The following AAMP variants were observed in gnomAD, a reference collection of about 807,000 sequenced individuals.
AAMP encodes the protein angio associated migratory cell protein.
In AAMP, 12 loss-of-function variants were observed where a neutral mutation model predicts 51.1. That is an observed-to-expected ratio of 0.23 (90% CI 0.15 to 0.38). The LOEUF is 0.38. Among genes scored for constraint, AAMP ranks in the 10% least tolerant of loss-of-function variants. AAMP has a pLI of 1.00. For missense variants in AAMP, 418 were observed against 557.2 expected, an observed-to-expected ratio of 0.75 and a Z score of 2.52; for synonymous variants, 210 against 218.7, an observed-to-expected ratio of 0.96 and a Z score of 0.35.
In AAMP at chr2:218,265,102, G is replaced by A. The variant is rs749156612; in HGVS notation, c.1147C>T (p.Arg383Cys). 48 of 1,612,846 alleles carry A rather than the reference G, an allele frequency of 3.0e-5. No homozygotes were observed. The highest frequency in any genetic ancestry group is 1.6e-4 in the Middle Eastern group (1 of 6,070). ...CGGCCGGTCCGGGCGTCCCAGAGGC[G>A]CACGATGCCATCCAGGCTGCAGGTA... is the stretch of plus-strand genomic sequence containing the variant. Reference protein sequence around the residue: ...VYTCSLDGIVRLWDARTGRLL... With the variant: ...VYTCSLDGIVCLWDARTGRLL... Residue 383 changes from arginine (R) to cysteine (C), a missense_variant, in exon 10 of 11, where the codon CGC (arginine) becomes TGC (cysteine). Coordinates refer to ENST00000248450, the MANE Select transcript of AAMP (RefSeq NM_001087.5). This position sits in a 1 kb window ranked among gnomAD's most constrained non-coding sequence, Gnocchi z 6.6.
At chr2:218,269,660 G>A in intron 1 of AAMP, 126 bp from the exon 2 acceptor site, 4 of 1,487,682 alleles carry the variant, frequency 2.7e-6, no homozygotes, top group South Asian at 1.2e-5. Context: ...CAGACACACC[G>A]GGGTCCGCGG....
chr2:218,268,824 G>A (rs971303506), intron 2 of AAMP, among the ~76,000 whole-genome samples: 4 of 150,388 alleles, frequency 2.7e-5, no homozygotes, highest in African/African-American at 4.9e-5. Context: ...TCAACCTCCC[G>A]AGGAGCTGGG....
chr2:218,266,717 T>A lies in AAMP; in HGVS notation c.534+130A>T. 1 of 1,548,068 alleles carries A rather than the reference T, an allele frequency of 6.5e-7. No individual in the cohort carries two copies. Among genetic ancestry groups the A allele is most frequent in the Non-Finnish European group, 8.8e-7 (1 of 1,139,568 alleles). On this transcript the variant is annotated intron_variant, in intron 4 of 10. Coordinates refer to ENST00000248450, the MANE Select transcript of AAMP (RefSeq NM_001087.5). The surrounding 1 kb of genome is among the most constrained non-coding windows in gnomAD (Gnocchi z 4.7). ...GGACTTTCCAGGTAGCAGGTAGATA[T>A]TCTTCCTGTGCCTTGGGGCGCATTG... is the stretch of plus-strand genomic sequence containing the variant.
chr2:218,267,413 T>A lies in AAMP; in HGVS notation c.394+81A>T, dbSNP rs1444755764. ...GAGATGTCACTAAGTGGCTGTTGGA[T>A]GCACAACCTCTGCAGGTCAGCCTCC... On this transcript the variant is annotated intron_variant, in intron 3 of 10. Transcript: ENST00000248450. The surrounding 1 kb of genome is among the most constrained non-coding windows in gnomAD (Gnocchi z 4.6). 5.7e-6 allele frequency: 9 copies of A among 1,577,730 alleles called. No homozygotes were observed. In the East Asian group the frequency reaches 1.8e-4, roughly 32 times the overall value.
In AAMP at chr2:218,264,556, A is replaced by C. The variant is rs1291439355; in HGVS notation, c.1282T>G (p.Cys428Gly). ...TSGDHKAKVF[C>G]VQRPDR is the part of the protein sequence containing the mutation. ...CATTAACGGTCAGGCCTTTGGACACAAAATACTTTCGCTTTGTGGTCTCCT... is the reference window on the plus strand; with the variant it reads ...CATTAACGGTCAGGCCTTTGGACACCAAATACTTTCGCTTTGTGGTCTCCT... The change falls in exon 11 of 11, where the codon TGT becomes GGT. Residue 428 changes from cysteine to glycine, a missense_variant. Transcript: ENST00000248450. 1.2e-6 allele frequency: 2 copies of C among 1,614,178 alleles called. No individual in the cohort carries two copies. The highest frequency in any genetic ancestry group is 1.7e-6 in the Non-Finnish European group (2 of 1,179,996).
In AAMP at chr2:218,270,093, C is replaced by T. The variant is rs768346406; in HGVS notation, c.-7G>A. On this transcript the variant is annotated 5_prime_UTR_variant, in exon 1 of 11. Transcript: ENST00000248450. ...TTTCCGATTCGGACTCCATGCGGCG[C>T]AAGCGGCGGATCCACTTCTCTGGGC... is the stretch of plus-strand genomic sequence containing the variant. 1 of 1,613,654 alleles carries T rather than the reference C, an allele frequency of 6.2e-7. No individual in the cohort carries two copies. Among genetic ancestry groups the T allele is most frequent in the East Asian group, 2.2e-5 (1 of 44,862 alleles).
At position 218,267,986 on chromosome 2, in the gene AAMP, T is replaced by G. The variant is rs1381312545; in HGVS notation, c.275-373A>C. ...TTTTTGTTTTTTGTTTTTTGTTTTT[T>G]GAGACAGAGTCTTGCTCTGTCGCCC... On this transcript the variant is annotated intron_variant, in intron 2 of 10. Coordinates refer to ENST00000248450, the MANE Select transcript of AAMP (RefSeq NM_001087.5). The surrounding 1 kb of genome is among the most constrained non-coding windows in gnomAD (Gnocchi z 4.6). 2.0e-5 allele frequency among the ~76,000 whole-genome samples: 3 copies of G among 152,046 alleles called. No homozygotes were observed. Among genetic ancestry groups the G allele is most frequent in the Admixed American group, 6.5e-5 (1 of 15,280 alleles).
Position 218,270,024 on chromosome 2 carries a change from G to A in AAMP, c.63C>T (p.Phe21=), listed in dbSNP as rs1690756158. Residue 21 remains phenylalanine, a synonymous_variant, in exon 1 of 11, where the codon TTC becomes TTT. Transcript: ENST00000248450. Reference sequence around the variant, plus strand: ...CCTCGATAATCTCTTCATCACCATGGAAGCTTAGGGTCTCCAGTGGGGGGG... The same window carrying A: ...CCTCGATAATCTCTTCATCACCATGAAAGCTTAGGGTCTCCAGTGGGGGGG... ...ADTPPLETLS[F]HGDEEIIEVV... The A allele has an allele frequency of 1.2e-6, 2 of 1,614,168 alleles. No individual in the cohort carries two copies. The highest frequency in any genetic ancestry group is 4.5e-5 in the East Asian group (2 of 44,874).
chr2:218,265,383 C>T lies in AAMP; in HGVS notation c.1062G>A (p.Gln354=). 1 of 1,559,498 alleles carries T rather than the reference C, an allele frequency of 6.4e-7. No individual in the cohort carries two copies. Among genetic ancestry groups the T allele is most frequent in the South Asian group, 1.2e-5 (1 of 85,186 alleles). The change falls in exon 9 of 11, where the codon CAG becomes CAA. Residue 354 remains glutamine (Q), a synonymous_variant. Transcript: ENST00000248450. The surrounding 1 kb of genome is among the most constrained non-coding windows in gnomAD (Gnocchi z 6.6). ...YDLATQTLRH[Q]CQHQSGIVQL... is the part of the protein sequence containing the mutation. ...CAGCTGCCCATACCTGGTGCTGACA[C>T]TGATGCCTAAGAGTCTGCGTAGCCA...
rs920277276 is a variant in AAMP at position 218,264,925 on chromosome 2, A to C, written c.1229+95T>G. The C allele has an allele frequency of 1.9e-6, 3 of 1,562,964 alleles. No individual in the cohort carries two copies. The African/African-American group carries it at 4.1e-5, about 21-fold the overall frequency. Reference sequence around the variant, plus strand: ...GGCTTCTCTGCATTCCTGCCTTAGGAATCCCTTCCCACACCCCAAGGATCC... The same window carrying C: ...GGCTTCTCTGCATTCCTGCCTTAGGCATCCCTTCCCACACCCCAAGGATCC... On this transcript the variant is annotated intron_variant, in intron 10 of 10. Transcript: ENST00000248450.
rs1559494445 is a variant in AAMP, at chr2:218,269,540, T to C, written c.122-6A>G. 3.1e-6 allele frequency: 5 copies of C among 1,613,916 alleles called. No individual in the cohort carries two copies. The highest frequency in any genetic ancestry group is 1.6e-4 in the Middle Eastern group (1 of 6,062). ...CATCTCCTGGGCCAGGTCATCTGCTTTGGGGAGAGGGTTAGAAGATGGGGC... is the reference window on the plus strand; with the variant it reads ...CATCTCCTGGGCCAGGTCATCTGCTCTGGGGAGAGGGTTAGAAGATGGGGC... On this transcript the variant is annotated splice_region_variant and splice_polypyrimidine_tract_variant and intron_variant, in intron 1 of 10. Transcript: ENST00000248450.
rs960396040 is a variant in AAMP at position 218,265,866 on chromosome 2, A to C, written c.844T>G (p.Cys282Gly). Residue 282 changes from cysteine to glycine, a missense_variant, in exon 7 of 11, where the codon TGC (cysteine) becomes GGC (glycine). Transcript: ENST00000248450. The surrounding 1 kb of genome is among the most constrained non-coding windows in gnomAD (Gnocchi z 6.6). ...GSLILTGSVD[C>G]QAKLVSATTG... ...GTGGCACTGACCAGCTTGGCCTGGC[A>C]GTCCACAGAGCCAGTTAGGATCAAG... is the stretch of plus-strand genomic sequence containing the variant. 3 of 1,613,718 alleles carry C rather than the reference A, an allele frequency of 1.9e-6. No homozygotes were observed. Among genetic ancestry groups the C allele is most frequent in the Admixed American group, 1.7e-5 (1 of 60,002 alleles).
At position 218,265,797 on chromosome 2, in the gene AAMP, G is replaced by A; in HGVS notation, c.879+34C>T. ...GGAAGGAAGGAGAGGAGTCGGGAAAGCGGAGGCCCCAGCCGGGCTCCAGGT... is the reference window on the plus strand; with the variant it reads ...GGAAGGAAGGAGAGGAGTCGGGAAAACGGAGGCCCCAGCCGGGCTCCAGGT... On this transcript the variant is annotated intron_variant, in intron 7 of 10. Transcript: ENST00000248450. This position sits in a 1 kb window ranked among gnomAD's most constrained non-coding sequence, Gnocchi z 6.6. 2 of 1,594,964 alleles carry A rather than the reference G, an allele frequency of 1.3e-6. No individual in the cohort carries two copies. The highest frequency in any genetic ancestry group is 1.7e-6 in the Non-Finnish European group (2 of 1,165,042).
Position 218,264,212 on chromosome 2 carries a change from G to A in AAMP, c.*321C>T, listed in dbSNP as rs546747931. 2.5e-6 allele frequency: 1 copy of A among 395,310 alleles called. No homozygotes were observed. Among genetic ancestry groups the A allele is most frequent in the East Asian group, 4.4e-5 (1 of 22,924 alleles). 24.5% of individuals were successfully genotyped at this position (395,310 alleles called of 1,614,324 possible). On this transcript the variant is annotated 3_prime_UTR_variant, in exon 11 of 11. Transcript: ENST00000248450. ...TTCCACCCCCAGAGACTTGGGAAGG[G>A]AAAGAACGGGAACCTCAAACACCTA...
Position 218,264,449 on chromosome 2 carries a change from G to A in AAMP, c.*84C>T, listed in dbSNP as rs1690568293. On this transcript the variant is annotated 3_prime_UTR_variant, in exon 11 of 11. Transcript: ENST00000248450. ...AGGGCCCCACCCTCCTCTTCCCTCT[G>A]TGCCCTACTGCCTCTGCTGGCAGAC... is the stretch of plus-strand genomic sequence containing the variant. 7.5e-7 allele frequency: 1 copy of A among 1,338,988 alleles called. No individual in the cohort carries two copies. Among genetic ancestry groups the A allele is most frequent in the Admixed American group, 1.7e-5 (1 of 59,340 alleles). The allele number at this position is 1,338,988 out of a possible 1,614,324, so 82.9% of individuals were successfully genotyped here.
In AAMP at chr2:218,267,548, C is replaced by T; in HGVS notation, c.340G>A (p.Asp114Asn). ...CTGAGCCGCCATACGAAGGCTTTGT[C>T]ATCTTCACCCCCGGTCACTGCCAAG... is the stretch of plus-strand genomic sequence containing the variant. The part of the protein sequence containing the change: ...NTLAVTGGED[D>N]KAFVWRLSDG... The change falls in exon 3 of 11, where the codon GAC (aspartate) becomes AAC (asparagine). Residue 114 changes from aspartate to asparagine, a missense_variant. Transcript: ENST00000248450. This position sits in a 1 kb window ranked among gnomAD's most constrained non-coding sequence, Gnocchi z 4.6. The T allele has an allele frequency of 6.2e-7, 1 of 1,614,174 alleles. No individual in the cohort carries two copies. Among genetic ancestry groups the T allele is most frequent in the Non-Finnish European group, 8.5e-7 (1 of 1,180,028 alleles).
At position 218,265,720 on chromosome 2, in the gene AAMP, C is replaced by T. The variant is rs979292676; in HGVS notation, c.880-38G>A. 5.6e-5 allele frequency: 90 copies of T among 1,599,064 alleles called. No individual in the cohort carries two copies. The highest frequency in any genetic ancestry group is 7.3e-5 in the Non-Finnish European group (85 of 1,169,382). On this transcript the variant is annotated intron_variant, in intron 7 of 10. Coordinates refer to ENST00000248450, the MANE Select transcript of AAMP (RefSeq NM_001087.5). The surrounding 1 kb of genome is among the most constrained non-coding windows in gnomAD (Gnocchi z 6.6). ...GAGGATCAGAGGAGGACACGGAATC[C>T]GGGTGCTTGATGGAGAGAAAGACGG...
chr2:218,269,511 C>T lies in AAMP; in HGVS notation c.145G>A (p.Asp49Asn). ...TCCTCTTCTTCCTCAAAGTCCACATCTTCCATCTCCTGGGCCAGGTCATCT... is the reference window on the plus strand; with the variant it reads ...TCCTCTTCTTCCTCAAAGTCCACATTTTCCATCTCCTGGGCCAGGTCATCT... ...DPDDLAQEME[D>N]VDFEEEEEEE... Residue 49 changes from aspartate to asparagine, a missense_variant, in exon 2 of 11, where the codon GAT becomes AAT. By Grantham distance (23) the Asp-to-Asn change is conservative. Transcript: ENST00000248450. 6.2e-7 allele frequency: 1 copy of T among 1,614,242 alleles called. No homozygotes were observed. The highest frequency in any genetic ancestry group is 8.5e-7 in the Non-Finnish European group (1 of 1,180,046).
In AAMP at chr2:218,264,205, G is replaced by T; in HGVS notation, c.*328C>A. The T allele has an allele frequency of 2.6e-6, 1 of 388,330 alleles. No homozygotes were observed. Among genetic ancestry groups the T allele is most frequent in the Non-Finnish European group, 4.7e-6 (1 of 214,316 alleles). The allele number at this position is 388,330 out of a possible 1,614,324, so 24.1% of individuals were successfully genotyped here. A position where few individuals can be genotyped will look rare whatever the true frequency, so the allele number is the denominator to read the frequency against. ...TCCTCCTTTCCACCCCCAGAGACTT[G>T]GGAAGGGAAAGAACGGGAACCTCAA... On this transcript the variant is annotated 3_prime_UTR_variant, in exon 11 of 11. Coordinates refer to ENST00000248450, the MANE Select transcript of AAMP (RefSeq NM_001087.5).
Sources: allele counts gnomAD v4.1 joint callset (sites outside exome capture counted in the v4.1 genomes callset), GRCh38; gene constraint gnomAD v4.1.1; non-coding constraint Gnocchi (gnomAD v3.1); transcripts MANE v1.5; gene names NCBI Gene and HGNC (gene_info 2026-07-23, HGNC 2026-07-21).